CAPN3: variants seen among roughly 807,000 people sequenced by gnomAD.
CAPN3 encodes the protein calpain-3.
In CAPN3, 88 loss-of-function variants were observed where a neutral mutation model predicts 114.0. The observed-to-expected ratio is 0.77, with a 90% CI of 0.65 to 0.92. The LOEUF (loss-of-function observed/expected upper bound fraction) is 0.92. Among genes scored for constraint, CAPN3 ranks in the 40% least tolerant of loss-of-function variants. The pLI, the probability that CAPN3 is intolerant of heterozygous loss-of-function variation, is 0.00. For missense variants in CAPN3, 1,028 were observed against 1,069.0 expected, an observed-to-expected ratio of 0.96 and a Z score of 0.53; for synonymous variants, 386 against 382.9, an observed-to-expected ratio of 1.01 and a Z score of -0.09.
chr15:42,404,046 G>A, intron 14 of CAPN3: 1 of 580,138 alleles, frequency 1.7e-6, no homozygotes, highest in Non-Finnish European at 3.3e-6. Context: ...CAATCGGAGG[G>A]AACAAGGCCA....
At position 42,411,766 on chromosome 15, in the gene CAPN3, A is replaced by G. The variant is rs1176787812; in HGVS notation, c.2459A>G (p.Tyr820Cys). ...NVLEWLQLTMYA is the reference protein window; with the variant it reads ...NVLEWLQLTMCA ...TTTCAGTGGCTGCAGCTCACCATGT[A>G]TGCCTGAACCAGGCTGGCCTCATCC... Residue 820 changes from tyrosine (Y) to cysteine (C), a missense_variant, in exon 24 of 24, where the codon TAT becomes TGT. Transcript: ENST00000397163. 1 of 1,591,494 alleles carries G rather than the reference A, an allele frequency of 6.3e-7. No homozygotes were observed. The highest frequency in any genetic ancestry group is 1.1e-5 in the South Asian group (1 of 90,560).
chr15:42,370,084 GC>G (rs2052905551), intron 1 of CAPN3, among the ~76,000 whole-genome samples: 2 of 151,876 alleles, frequency 1.3e-5, no homozygotes, highest in Admixed American at 1.3e-4. Context: ...TGTTGGCCAG[GC>G]TGGTCTCGAA....
At chr15:42,402,303 GCATGACC>G (rs1307959577) in intron 12 of CAPN3, 168 bp downstream of exon 12, 13 of 1,565,290 alleles carry the variant, frequency 8.3e-6, no homozygotes, top group Non-Finnish European at 1.0e-5. Flanking sequence ...TCAGGGCATT[GCATGACC>G]CATGACTACC....
intron 4 of CAPN3, among the ~76,000 whole-genome samples, chr15:42,388,373 C>G (rs764141144): frequency 6.6e-6 from 1 of 152,288 alleles, no homozygotes; most frequent in East Asian, 1.9e-4. Flanking sequence ...GGTGCAGTCA[C>G]GGCTCACTGC....
rs776029023 is a variant in CAPN3 at position 42,409,259 on chromosome 15, C to G, written c.1915-44C>G. 2.5e-6 allele frequency: 4 copies of G among 1,587,044 alleles called. No individual in the cohort carries two copies. The African/African-American group carries it at 5.4e-5, about 21-fold the overall frequency. On this transcript the variant is annotated intron_variant, in intron 16 of 23. Coordinates refer to ENST00000397163, the MANE Select transcript of CAPN3 (RefSeq NM_000070.3). ...GAGGAGCTTGCCTCACAGGCCTGTG[C>G]ACCTCTGACCCCTGTGAACCAGTTT...
intron 9 of CAPN3, among the ~76,000 whole-genome samples, chr15:42,398,868 T>C (rs1399982973): frequency 7.6e-6 from 1 of 132,414 alleles, no homozygotes; most frequent in Non-Finnish European, 1.6e-5. Flanking sequence ...CACTGCAACC[T>C]CCGCCTCCTG....
intron 6 of CAPN3, 101 bp from the exon 7 acceptor site, chr15:42,392,538 C>A: frequency 1.1e-6 from 1 of 893,736 alleles, no homozygotes; most frequent in Non-Finnish European, 1.8e-6. Flanking sequence ...TGGTCTGTGT[C>A]TTCACAGAGC....
chr15:42,360,367 G>GAA lies in CAPN3; in HGVS notation c.309+267_309+268dup, dbSNP rs397962506. ...TCTTATGCTCTGGCTCTTTCTCTCT[G>GAA]AAAAAAAAAAAAAAATCTTGCTTTT... On this transcript the variant is annotated intron_variant, in intron 1 of 23. Coordinates refer to ENST00000397163, the MANE Select transcript of CAPN3 (RefSeq NM_000070.3). Among the ~76,000 whole-genome samples the GAA allele has an allele frequency of 5.1e-3, 694 of 136,620 alleles. 2 individuals are homozygous for GAA. Among genetic ancestry groups the GAA allele is most frequent in the African/African-American group, 0.016 (615 of 37,412 alleles). 89.6% of individuals were successfully genotyped at this position (136,620 alleles called of 152,430 possible).
chr15:42,396,241 ATT>A (rs554769961), intron 8 of CAPN3, among the ~76,000 whole-genome samples: 29 of 125,734 alleles, frequency 2.3e-4, no homozygotes, highest in South Asian at 1.2e-3. Context: ...TCCAGAACCC[ATT>A]TTTTTTTTTT....
rs771938059 is a variant in CAPN3, at chr15:42,396,800, A to G, written c.1116A>G (p.Arg372=). 1 of 1,612,866 alleles carries G rather than the reference A, an allele frequency of 6.2e-7. No homozygotes were observed. Among genetic ancestry groups the G allele is most frequent in the African/African-American group, 1.3e-5 (1 of 74,944 alleles). Reference sequence around the variant, plus strand: ...CTTAATTCCTCCATTTTCCCACCAGATGGAAGGACTGGAGCTTTGTGGACA... The same window carrying G: ...CTTAATTCCTCCATTTTCCCACCAGGTGGAAGGACTGGAGCTTTGTGGACA... The part of the protein sequence containing the change: ...QVEWNGSWSD[R]WKDWSFVDKD... The change falls in exon 9 of 24, where the codon AGA becomes AGG. Residue 372 remains arginine, a splice_region_variant and synonymous_variant. Transcript: ENST00000397163.
At chr15:42,409,548 C>T (rs2054139449) in intron 17 of CAPN3, among the ~76,000 whole-genome samples, 168 bp downstream of exon 17, 2 of 152,176 alleles carry the variant, frequency 1.3e-5, no homozygotes, top group African/African-American at 4.8e-5. Context: ...GAGTTTTGGA[C>T]TGCCACGTCT....
intron 1 of CAPN3, among the ~76,000 whole-genome samples, chr15:42,370,889 G>A (rs1332960118): frequency 7.3e-6 from 1 of 137,450 alleles, no homozygotes; most frequent in Non-Finnish European, 1.5e-5. Context: ...CATAACATCA[G>A]AGCACATAAC....
chr15:42,386,433 G>A lies in CAPN3; in HGVS notation c.498+148G>A, dbSNP rs1322421066. ...GGCATGGACCCCCTTAAGGCTTCAA[G>A]CCTGGGAGGAAGCAGTTGCTTATCT... On this transcript the variant is annotated intron_variant, in intron 3 of 23. Coordinates refer to ENST00000397163, the MANE Select transcript of CAPN3 (RefSeq NM_000070.3). 1.3e-5 allele frequency: 10 copies of A among 745,594 alleles called. No homozygotes were observed. In the East Asian group the frequency reaches 2.2e-4, roughly 17 times the overall value. The allele number at this position is 745,594 out of a possible 1,614,324, so 46.2% of individuals were successfully genotyped here.
At chr15:42,409,538 G>C (rs1397627490) in intron 17 of CAPN3, among the ~76,000 whole-genome samples, 158 bp downstream of exon 17, 2 of 152,186 alleles carry the variant, frequency 1.3e-5, no homozygotes, top group Non-Finnish European at 2.9e-5. Flanking sequence ...ACAAGCCCTT[G>C]AGTTTTGGAC....
intron 14 of CAPN3, among the ~76,000 whole-genome samples, chr15:42,405,184 C>T (rs2053983147): frequency 6.6e-6 from 1 of 152,152 alleles, no homozygotes; most frequent in African/African-American, 2.4e-5. Context: ...AAGAAAATCT[C>T]CCTATGTTAA....
intron 2 of CAPN3, chr15:42,385,622 A>C (rs1282538513): frequency 3.9e-6 from 2 of 513,752 alleles, no homozygotes; most frequent in Non-Finnish European, 7.8e-6. Flanking sequence ...GGTTCAGAGA[A>C]TAAGAAAACG....
chr15:42,400,109 A>G (rs2053823348), intron 10 of CAPN3, among the ~76,000 whole-genome samples: 1 of 152,196 alleles, frequency 6.6e-6, no homozygotes, highest in Non-Finnish European at 1.5e-5. Context: ...CTAAAAGTGA[A>G]AAACAGAATG....
intron 9 of CAPN3, 23 bp from the exon 10 acceptor site, chr15:42,399,465 GCTCT>G (rs367976885): frequency 1.3e-6 from 2 of 1,594,046 alleles, no homozygotes; most frequent in Non-Finnish European, 1.7e-6. Flanking sequence ...CTCCCATATG[GCTCT>G]CTCTCTTCTT....
At chr15:42,392,105 C>T (rs1487374722) in intron 6 of CAPN3, among the ~76,000 whole-genome samples, 1 of 152,078 alleles carries the variant, frequency 6.6e-6, no homozygotes, top group East Asian at 1.9e-4. Context: ...GCAGAGGTTG[C>T]AGTGAGCCGA....
Sources: gnomAD v4.1 joint callset for allele counts (sites outside exome capture counted in the v4.1 genomes callset) on GRCh38, gnomAD v4.1.1 for gene constraint, MANE v1.5 for transcripts, NCBI Gene and HGNC (gene_info 2026-07-23, HGNC 2026-07-21) for gene names.